The following SCHIP1 variants were observed in gnomAD, a reference collection of about 807,000 sequenced individuals.
SCHIP1 encodes the protein schwannomin-interacting protein 1.
A neutral mutation model predicts 29.7 loss-of-function variants in SCHIP1; 8 were observed. That is an observed-to-expected ratio of 0.27 (90% confidence interval 0.16 to 0.49). The LOEUF is 0.49. Ranked by LOEUF, SCHIP1 falls within the 20% of genes least tolerant of loss-of-function variation. The pLI is 0.99. For missense variants in SCHIP1, 193 were observed against 294.6 expected, an observed-to-expected ratio of 0.66 and a Z score of 2.52; for synonymous variants, 76 against 94.9, an observed-to-expected ratio of 0.80 and a Z score of 1.16.
In SCHIP1 at chr3:159,891,708, G is replaced by A. The variant is rs139334070; in HGVS notation, c.590-389G>A. 4.6e-4 allele frequency among the ~76,000 whole-genome samples: 70 copies of A among 152,262 alleles called. 1 individual carries two copies. Among genetic ancestry groups the A allele is most frequent in the African/African-American group, 1.1e-3 (44 of 41,548 alleles). Reference sequence around the variant, plus strand: ...GCATCTAATGTAGTAGTCAGGCTCCGAGGGGCCCCTCCTGACTGTCAGCGT... The same window carrying A: ...GCATCTAATGTAGTAGTCAGGCTCCAAGGGGCCCCTCCTGACTGTCAGCGT... On this transcript the variant is annotated intron_variant, in intron 5 of 6. Transcript: ENST00000445224.
At chr3:159,720,902 C>T in the SCHIP1 span, among the ~76,000 whole-genome samples, 1 of 152,138 alleles carries the variant, frequency 6.6e-6, no homozygotes, top group East Asian at 1.9e-4. Flanking sequence ...CTCCTGTTTT[C>T]AGCAGAAAGT....
At chr3:159,873,980 T>C (rs1257648657) in intron 2 of SCHIP1, among the ~76,000 whole-genome samples, 1 of 152,198 alleles carries the variant, frequency 6.6e-6, no homozygotes, top group Non-Finnish European at 1.5e-5. Flanking sequence ...TATAGCTTAG[T>C]GTAATTAAAG....
chr3:159,451,308 A>G, the SCHIP1 span, among the ~76,000 whole-genome samples: 3 of 152,372 alleles, frequency 2.0e-5, no homozygotes, highest in South Asian at 2.1e-4. Flanking sequence ...ATGTCTTTCT[A>G]TGCCAGTGGG....
At chr3:159,576,689 TC>T in the SCHIP1 span, among the ~76,000 whole-genome samples, 1 of 152,182 alleles carries the variant, frequency 6.6e-6, no homozygotes, top group Non-Finnish European at 1.5e-5. Context: ...TCTCCTATGA[TC>T]CTGGCTTTGT....
the SCHIP1 span, among the ~76,000 whole-genome samples, chr3:159,666,467 G>T: frequency 6.6e-6 from 1 of 152,148 alleles, no homozygotes. Context: ...TGAATAAATA[G>T]AATGCTTGTT....
At chr3:159,647,278 CCAAGGCCAAG>C in the SCHIP1 span, among the ~76,000 whole-genome samples, 2 of 152,018 alleles carry the variant, frequency 1.3e-5, no homozygotes, top group African/African-American at 2.4e-5. Flanking sequence ...AAAAATACTT[CCAAGGCCAAG>C]CAAGGCCATG....
chr3:159,489,941 A>T, the SCHIP1 span, among the ~76,000 whole-genome samples: 1 of 152,172 alleles, frequency 6.6e-6, no homozygotes, highest in Middle Eastern at 3.4e-3. Flanking sequence ...GGAAGAATAC[A>T]CACCAAATTA....
At chr3:159,507,740 A>T in the SCHIP1 span, among the ~76,000 whole-genome samples, 2 of 152,064 alleles carry the variant, frequency 1.3e-5, no homozygotes, top group Non-Finnish European at 1.5e-5. Flanking sequence ...GGTTTTTGTC[A>T]TTGGTTCTGT....
At chr3:159,782,475 C>A in the SCHIP1 span, among the ~76,000 whole-genome samples, 1 of 152,154 alleles carries the variant, frequency 6.6e-6, no homozygotes, top group South Asian at 2.1e-4. Flanking sequence ...GTATGTAATA[C>A]CCTCTTATGT....
chr3:159,376,045 TCAAA>T, the SCHIP1 span, among the ~76,000 whole-genome samples: 7 of 152,056 alleles, frequency 4.6e-5, no homozygotes, highest in African/African-American at 1.4e-4. Context: ...TTAAAACTAT[TCAAA>T]CAGAGGAGGA....
chr3:159,788,646 T>G, the SCHIP1 span, among the ~76,000 whole-genome samples: 2 of 151,402 alleles, frequency 1.3e-5, no homozygotes, highest in African/African-American at 4.8e-5. Context: ...TTCACCACAC[T>G]TCATTCATTC....
At chr3:159,725,240 G>GAA in the SCHIP1 span, among the ~76,000 whole-genome samples, 1 of 151,332 alleles carries the variant, frequency 6.6e-6, no homozygotes, top group Non-Finnish European at 1.5e-5. Flanking sequence ...GAGAGAGAGA[G>GAA]AAACTAAATC....
At chr3:159,469,526 C>T in the SCHIP1 span, among the ~76,000 whole-genome samples, 1 of 152,246 alleles carries the variant, frequency 6.6e-6, no homozygotes, top group African/African-American at 2.4e-5. Flanking sequence ...ATGGATAGTA[C>T]TCATTCAACA....
At chr3:159,313,179 T>G in the SCHIP1 span, among the ~76,000 whole-genome samples, 1 of 152,186 alleles carries the variant, frequency 6.6e-6, no homozygotes, top group Non-Finnish European at 1.5e-5. Flanking sequence ...CAGTGATTTA[T>G]AAGGATTACA....
the SCHIP1 span, among the ~76,000 whole-genome samples, chr3:159,277,499 A>G: frequency 1.3e-5 from 2 of 152,122 alleles, no homozygotes; most frequent in Non-Finnish European, 2.9e-5. Flanking sequence ...AGACCTGTGA[A>G]TGGAATAATA....
chr3:159,345,778 G>T, the SCHIP1 span, among the ~76,000 whole-genome samples: 1 of 152,182 alleles, frequency 6.6e-6, no homozygotes, highest in African/African-American at 2.4e-5. Context: ...ACAGGAAAGG[G>T]CTAAGAGGAG....
chr3:159,848,543 C>G (rs1010684411), intron 1 of SCHIP1, among the ~76,000 whole-genome samples: 1 of 152,052 alleles, frequency 6.6e-6, no homozygotes, highest in Non-Finnish European at 1.5e-5. Context: ...TAGTCAAGGT[C>G]TTGCCACCCT....
the SCHIP1 span, among the ~76,000 whole-genome samples, chr3:159,804,957 A>G: frequency 1.9e-4 from 29 of 152,290 alleles, no homozygotes; most frequent in South Asian, 6.0e-3. Context: ...AGAAATGGTC[A>G]CTTCCAAGAA....
the SCHIP1 span, among the ~76,000 whole-genome samples, chr3:159,742,574 G>A: frequency 2.0e-5 from 3 of 152,170 alleles, no homozygotes; most frequent in African/African-American, 7.2e-5. Flanking sequence ...TCCTGGTAGT[G>A]AGGGAAGGGA....
Sources: allele counts gnomAD v4.1 joint callset (sites outside exome capture counted in the v4.1 genomes callset), GRCh38; gene constraint gnomAD v4.1.1; transcripts MANE v1.5; gene names NCBI Gene and HGNC (gene_info 2026-07-23, HGNC 2026-07-21).